The following ADARB2 variants were observed in gnomAD, a reference collection of about 807,000 sequenced individuals.
The protein encoded by ADARB2 is inactive double-stranded RNA-specific editase B2.
A neutral mutation model predicts 62.2 loss-of-function variants in ADARB2; 25 were observed. The ratio of observed to expected loss-of-function variants is 0.40; its 90% CI spans 0.29 to 0.56. The LOEUF (loss-of-function observed/expected upper bound fraction) is 0.56, where lower values mean the gene tolerates loss of function less well. Among genes scored for constraint, ADARB2 ranks in the 20% least tolerant of loss-of-function variants. ADARB2 has a pLI of 0.43. For missense variants in ADARB2, 1,071 were observed against 1,077.4 expected, an observed-to-expected ratio of 0.99 and a Z score of 0.08; for synonymous variants, 572 against 500.8, an observed-to-expected ratio of 1.14 and a Z score of -1.90.
intron 1 of ADARB2, among the ~76,000 whole-genome samples, chr10:1,498,133 G>C (rs1831715210): frequency 6.6e-6 from 1 of 152,160 alleles, no homozygotes; most frequent in South Asian, 2.1e-4. Context: ...GGCACTTTGG[G>C]AGGCTGAGGC....
chr10:1,710,942 C>T (rs1015189146), intron 1 of ADARB2, among the ~76,000 whole-genome samples: 1 of 152,092 alleles, frequency 6.6e-6, no homozygotes, highest in African/African-American at 2.4e-5. Flanking sequence ...TGTAACCAAC[C>T]TAGAGGATCT....
intron 3 of ADARB2, among the ~76,000 whole-genome samples, chr10:1,277,672 G>A (rs1329451273): frequency 1.3e-5 from 2 of 152,146 alleles, no homozygotes; most frequent in East Asian, 3.9e-4. Context: ...TTCTACCAGA[G>A]GTAGAAGGAG....
intron 2 of ADARB2, among the ~76,000 whole-genome samples, chr10:1,375,118 C>T (rs749507011): frequency 2.6e-5 from 4 of 152,124 alleles, no homozygotes; most frequent in Admixed American, 6.5e-5. Flanking sequence ...GGAGCAGGTG[C>T]GGCTGTCAGG....
Position 1,594,515 on chromosome 10 carries a change from C to T in ADARB2, c.100+142536G>A, listed in dbSNP as rs184849955. Among the ~76,000 whole-genome samples, 11 of 152,122 alleles carry T rather than the reference C, an allele frequency of 7.2e-5. No individual in the cohort carries two copies. In the East Asian group the frequency reaches 7.8e-4, roughly 11 times the overall value. On this transcript the variant is annotated intron_variant, in intron 1 of 9. Coordinates refer to ENST00000381312, the MANE Select transcript of ADARB2 (RefSeq NM_018702.4). ...AAAGGATTTTGGCGTGGGTGTTTGC[C>T]GTGAGCAGATGTTGCTAACTCACCA...
At chr10:1,444,210 C>G (rs1252512229) in intron 1 of ADARB2, among the ~76,000 whole-genome samples, 2 of 151,066 alleles carry the variant, frequency 1.3e-5, no homozygotes, top group Non-Finnish European at 3.0e-5. Flanking sequence ...ACCCACTCAT[C>G]CATCCATCTA....
chr10:1,216,940 G>A lies in ADARB2; in HGVS notation c.1682+11C>T, dbSNP rs376160381. On this transcript the variant is annotated intron_variant, in intron 7 of 9. Coordinates refer to ENST00000381312, the MANE Select transcript of ADARB2 (RefSeq NM_018702.4). ...CAGCCAACATCCTCGAGAGGAAGCC[G>A]TGGGCCTCACCTGGCGATCTTGTCC... The A allele has an allele frequency of 8.1e-6, 13 of 1,603,876 alleles. No homozygotes were observed. In the African/African-American group the frequency reaches 1.1e-4, roughly 13 times the overall value.
intron 1 of ADARB2, among the ~76,000 whole-genome samples, chr10:1,707,791 A>C (rs1834907335): frequency 6.6e-6 from 1 of 152,238 alleles, no homozygotes; most frequent in African/African-American, 2.4e-5. Context: ...GCTTGGTTAA[A>C]GCTGTTTCCT....
chr10:1,464,075 CCA>C (rs1831212109), intron 1 of ADARB2, among the ~76,000 whole-genome samples: 1 of 152,214 alleles, frequency 6.6e-6, no homozygotes, highest in African/African-American at 2.4e-5. Flanking sequence ...GCCAGGACCG[CCA>C]CACACATGCG....
chr10:1,216,788 G>T, intron 7 of ADARB2, 163 bp downstream of exon 7: 2 of 971,764 alleles, frequency 2.1e-6, no homozygotes, highest in Non-Finnish European at 3.0e-6. Context: ...GTGTGGGACT[G>T]AACATGTGGA....
At chr10:1,732,469 C>G (rs893505851) in intron 1 of ADARB2, among the ~76,000 whole-genome samples, 1 of 152,108 alleles carries the variant, frequency 6.6e-6, no homozygotes, top group Non-Finnish European at 1.5e-5. Context: ...TATCTAATGC[C>G]CTTGAAGCAA....
chr10:1,473,411 C>T (rs917665810), intron 1 of ADARB2, among the ~76,000 whole-genome samples: 1 of 152,030 alleles, frequency 6.6e-6, no homozygotes, highest in African/African-American at 2.4e-5. Flanking sequence ...CTGACAGGGC[C>T]TCACTCTGTT....
At chr10:1,702,132 G>A (rs1310556398) in intron 1 of ADARB2, among the ~76,000 whole-genome samples, 2 of 152,248 alleles carry the variant, frequency 1.3e-5, no homozygotes, top group Non-Finnish European at 2.9e-5. Flanking sequence ...CCAGGACAGA[G>A]AATGCTGCAT....
intron 1 of ADARB2, among the ~76,000 whole-genome samples, chr10:1,509,622 G>A (rs542100489): frequency 6.6e-6 from 1 of 152,202 alleles, no homozygotes; most frequent in Non-Finnish European, 1.5e-5. Flanking sequence ...TAAATTCATT[G>A]ACTCACAGAA....
chr10:1,648,649 T>C (rs984970748), intron 1 of ADARB2, among the ~76,000 whole-genome samples: 8 of 152,194 alleles, frequency 5.3e-5, no homozygotes, highest in Non-Finnish European at 1.2e-4. Context: ...GCAATCCAGC[T>C]CTGGTACTCT....
chr10:1,530,105 G>A (rs895182552), intron 1 of ADARB2, among the ~76,000 whole-genome samples: 3 of 152,128 alleles, frequency 2.0e-5, no homozygotes, highest in Admixed American at 6.5e-5. Context: ...CCCTGCCAAT[G>A]CGGGCACCCA....
In ADARB2 at chr10:1,331,829, C is replaced by T. The variant is rs576224596; in HGVS notation, c.1077+31199G>A. ...TTACCTCAGTGAATCATCTACATAT[C>T]GCACACTTTGAAGACTTTAACACAC... On this transcript the variant is annotated intron_variant, in intron 3 of 9. Coordinates refer to ENST00000381312, the MANE Select transcript of ADARB2 (RefSeq NM_018702.4). Among the ~76,000 whole-genome samples the T allele has an allele frequency of 2.6e-5, 4 of 152,252 alleles. No individual in the cohort carries two copies. In the East Asian group the frequency reaches 5.8e-4, roughly 22 times the overall value.
rs985154380 is a variant in ADARB2, at chr10:1,230,200, A to G, written c.1513+3494T>C. On this transcript the variant is annotated intron_variant, in intron 6 of 9. Transcript: ENST00000381312. Reference sequence around the variant, plus strand: ...CGGCCTCTGCATTTGTGAGAATAACATCATGGCCCTCAGGGCTTCCTTTGT... The same window carrying G: ...CGGCCTCTGCATTTGTGAGAATAACGTCATGGCCCTCAGGGCTTCCTTTGT... Among the ~76,000 whole-genome samples the G allele has an allele frequency of 2.0e-5, 3 of 152,150 alleles. No individual in the cohort carries two copies. In the East Asian group the frequency reaches 5.8e-4, roughly 29 times the overall value.
In ADARB2 at chr10:1,391,766, A is replaced by ATTTTTTTT. The variant is rs60956446; in HGVS notation, c.101-12614_101-12607dup. On this transcript the variant is annotated intron_variant, in intron 1 of 9. Coordinates refer to ENST00000381312, the MANE Select transcript of ADARB2 (RefSeq NM_018702.4). ...AACTGCCAGGATGTCTAAGAATTGG[A>ATTTTTTTT]TTTTTTTTTTTTTTTTTTTTTTTTG... Among the ~76,000 whole-genome samples, 44 of 91,644 alleles carry ATTTTTTTT rather than the reference A, an allele frequency of 4.8e-4. 1 individual carries two copies. Among genetic ancestry groups the ATTTTTTTT allele is most frequent in the African/African-American group, 1.4e-3 (32 of 22,892 alleles). 60.1% of individuals were successfully genotyped at this position (91,644 alleles called of 152,430 possible). A position where few individuals can be genotyped will look rare whatever the true frequency, so the allele number is the denominator to read the frequency against.
At chr10:1,615,090 C>A (rs1833615855) in intron 1 of ADARB2, among the ~76,000 whole-genome samples, 1 of 152,106 alleles carries the variant, frequency 6.6e-6, no homozygotes, top group Admixed American at 6.5e-5. Flanking sequence ...TTACTTCTGT[C>A]TGAGGCCTGA....
Sources: allele counts gnomAD v4.1 joint callset (sites outside exome capture counted in the v4.1 genomes callset), GRCh38; gene constraint gnomAD v4.1.1; transcripts MANE v1.5; gene names NCBI Gene and HGNC (gene_info 2026-07-23, HGNC 2026-07-21).